ERLEC1: variants seen among roughly 807,000 people sequenced by gnomAD.
The protein encoded by ERLEC1 is ER lectin.
In ERLEC1, 47 loss-of-function variants were observed where a neutral mutation model predicts 68.0. The ratio of observed to expected loss-of-function variants is 0.69; its 90% CI spans 0.55 to 0.88. The LOEUF (loss-of-function observed/expected upper bound fraction) is 0.88, where lower values mean the gene tolerates loss of function less well. ERLEC1 is among the 40% of genes least tolerant of loss of function. ERLEC1 has a pLI of 0.00. For synonymous variants in ERLEC1, 225 were observed against 203.2 expected (o/e 1.11, Z -0.91); for missense variants, 567 against 583.8 (o/e 0.97, Z 0.30).
At chr2:53,794,503 A>G in intron 2 of ERLEC1, 54 bp downstream of exon 2, 1 of 799,550 alleles carries the variant, frequency 1.3e-6, no homozygotes, top group East Asian at 2.6e-5. Context: ...TTTATGTAAA[A>G]CATTGTAACT....
chr2:53,789,712 C>T (rs1388000848), intron 1 of ERLEC1, among the ~76,000 whole-genome samples: 1 of 152,006 alleles, frequency 6.6e-6, no homozygotes, highest in Non-Finnish European at 1.5e-5. Context: ...CTTAAGGCTT[C>T]CCTTTGCATT....
rs1438602323 is a variant in ERLEC1, at chr2:53,801,436, T to C, written c.565T>C (p.Tyr189His). The C allele has an allele frequency of 6.8e-6, 11 of 1,613,898 alleles. No individual in the cohort carries two copies. Among genetic ancestry groups the C allele is most frequent in the African/African-American group, 6.7e-5 (5 of 74,898 alleles). ...KNIEGQMTPY[Y>H]PVGMGNGTPC... The stretch of plus-strand genomic sequence containing the variant: ...TATCGAAGGTCAGATGACACCATAC[T>C]ATCCTGTGGGAATGGGAAATGGTAC... Residue 189 changes from tyrosine (Y) to histidine (H), a missense_variant, in exon 7 of 14, where the codon TAT becomes CAT. By Grantham distance (83) the Tyr-to-His change is moderately conservative (BLOSUM62 2). Transcript: ENST00000185150.
chr2:53,807,548 G>T (rs1676360889), intron 8 of ERLEC1, among the ~76,000 whole-genome samples: 1 of 152,088 alleles, frequency 6.6e-6, no homozygotes, highest in Non-Finnish European at 1.5e-5. Context: ...TGGGATTACA[G>T]GCATGCTCCT....
At chr2:53,797,979 A>G (rs928020940) in intron 5 of ERLEC1, among the ~76,000 whole-genome samples, 184 bp downstream of exon 5, 1 of 152,122 alleles carries the variant, frequency 6.6e-6, no homozygotes, top group Admixed American at 6.5e-5. Flanking sequence ...GGAGGATCAC[A>G]AGGTCGGGAG....
chr2:53,812,436 G>C (rs1027144403), intron 10 of ERLEC1, among the ~76,000 whole-genome samples: 4 of 152,158 alleles, frequency 2.6e-5, no homozygotes, highest in African/African-American at 9.7e-5. Context: ...TTCCAATAGA[G>C]AAATAAGTAT....
intron 6 of ERLEC1, among the ~76,000 whole-genome samples, chr2:53,799,527 T>C (rs1675894741): frequency 6.6e-6 from 1 of 152,138 alleles, no homozygotes; most frequent in Admixed American, 6.5e-5. Context: ...AAGCAGAGTG[T>C]CAGACATATT....
intron 3 of ERLEC1, among the ~76,000 whole-genome samples, chr2:53,796,889 C>CTTTTTTTTTTT (rs958244464): frequency 1.7e-5 from 2 of 117,236 alleles, no homozygotes; most frequent in Non-Finnish European, 3.5e-5. Context: ...TTTTCTTTTT[C>CTTTTTTTTTTT]TTTTTTTTTT....
intron 8 of ERLEC1, among the ~76,000 whole-genome samples, chr2:53,806,613 C>T (rs188846226): frequency 6.6e-6 from 1 of 152,244 alleles, no homozygotes; most frequent in Admixed American, 6.5e-5. Context: ...AGTCCTTGTT[C>T]TTCCTAATAT....
At chr2:53,794,949 G>A (rs1036982247) in intron 2 of ERLEC1, among the ~76,000 whole-genome samples, 2 of 152,038 alleles carry the variant, frequency 1.3e-5, no homozygotes, top group Non-Finnish European at 2.9e-5. Flanking sequence ...CACCATGCCC[G>A]GCCGCAACCA....
At chr2:53,804,603 A>T (rs1676179615) in intron 8 of ERLEC1, among the ~76,000 whole-genome samples, 1 of 152,150 alleles carries the variant, frequency 6.6e-6, no homozygotes, top group Non-Finnish European at 1.5e-5. Context: ...TGATACAGAT[A>T]TGCAGTGCAT....
chr2:53,790,686 C>T (rs1675345415), intron 1 of ERLEC1, among the ~76,000 whole-genome samples: 1 of 151,876 alleles, frequency 6.6e-6, no homozygotes, highest in Non-Finnish European at 1.5e-5. Flanking sequence ...GTTGCTCATG[C>T]TGGTTTCAAA....
intron 1 of ERLEC1, among the ~76,000 whole-genome samples, chr2:53,788,939 T>TA (rs2104265326): frequency 6.6e-6 from 1 of 152,228 alleles, no homozygotes; most frequent in South Asian, 2.1e-4. Context: ...GTGTTTTTTT[T>TA]AATTTAAAAA....
intron 8 of ERLEC1, among the ~76,000 whole-genome samples, chr2:53,804,339 T>C (rs375962803): frequency 3.3e-5 from 5 of 152,182 alleles, no homozygotes; most frequent in African/African-American, 1.2e-4. Flanking sequence ...TGTGGCGCAA[T>C]CTTGGCTCAC....
chr2:53,799,229 G>A (rs951642628), intron 6 of ERLEC1, 148 bp downstream of exon 6: 9 of 648,220 alleles, frequency 1.4e-5, no homozygotes, highest in Non-Finnish European at 5.2e-6. Flanking sequence ...AATCTTTGCA[G>A]TATATTCCTT....
At chr2:53,787,458 C>T in intron 1 of ERLEC1, 86 bp downstream of exon 1, 1 of 1,463,888 alleles carries the variant, frequency 6.8e-7, no homozygotes, top group African/African-American at 1.4e-5. Context: ...TGCTTTTTCT[C>T]CCCAAGACCT....
chr2:53,801,333 C>G (rs879139781), intron 6 of ERLEC1, 64 bp from the exon 7 acceptor site: 1 of 1,200,562 alleles, frequency 8.3e-7, no homozygotes, highest in Non-Finnish European at 1.2e-6. Flanking sequence ...ATAAGTTCCT[C>G]TCCCACCCCC....
At chr2:53,798,516 T>A (rs1187166978) in intron 5 of ERLEC1, among the ~76,000 whole-genome samples, 1 of 151,672 alleles carries the variant, frequency 6.6e-6, no homozygotes, top group Non-Finnish European at 1.5e-5. Context: ...TACCCAAACC[T>A]CCCAAAGTCC....
chr2:53,792,072 C>T (rs1055574616), intron 1 of ERLEC1, among the ~76,000 whole-genome samples: 1 of 151,898 alleles, frequency 6.6e-6, no homozygotes, highest in Admixed American at 6.6e-5. Context: ...CCACCACGGC[C>T]GGCTAAATTT....
intron 10 of ERLEC1, 77 bp from the exon 11 acceptor site, chr2:53,812,869 CAAG>C (rs1199843782): frequency 2.0e-6 from 3 of 1,470,572 alleles, no homozygotes; most frequent in African/African-American, 1.4e-5. Flanking sequence ...GACTAGCTTA[CAAG>C]AAGGTCAGGT....
Sources: gnomAD v4.1 joint callset for allele counts (sites outside exome capture counted in the v4.1 genomes callset) on GRCh38, gnomAD v4.1.1 for gene constraint, MANE v1.5 for transcripts, NCBI Gene and HGNC (gene_info 2026-07-23, HGNC 2026-07-21) for gene names.